The following HIVEP3 variants were observed in gnomAD, a reference collection of about 807,000 sequenced individuals.
The protein encoded by HIVEP3 is transcription factor HIVEP3.
HIVEP3 carries 49 observed loss-of-function variants against 152.8 expected under a neutral mutation model. The observed-to-expected ratio is 0.32, with a 90% CI of 0.26 to 0.41. HIVEP3 has a LOEUF of 0.41. Ranked by LOEUF, HIVEP3 falls within the 10% of genes least tolerant of loss-of-function variation. The pLI is 1.00. For synonymous variants in HIVEP3, 1,269 were observed against 1,289.0 expected (o/e 0.98, Z 0.33); for missense variants, 2,790 against 3,103.3 (o/e 0.90, Z 2.40).
intron 1 of HIVEP3, among the ~76,000 whole-genome samples, chr1:41,740,834 C>A (rs767028839): frequency 6.6e-6 from 1 of 152,182 alleles, no homozygotes. Context: ...CCCAAGCAAC[C>A]CCCTGCCCTC....
intron 1 of HIVEP3, among the ~76,000 whole-genome samples, chr1:41,981,078 G>C (rs534469968): frequency 6.6e-6 from 1 of 152,132 alleles, no homozygotes; most frequent in Non-Finnish European, 1.5e-5. Context: ...ATCAGGATTC[G>C]CTTCTGCAAG....
intron 1 of HIVEP3, among the ~76,000 whole-genome samples, chr1:41,749,200 GGTTT>G (rs1189486942): frequency 6.6e-6 from 1 of 152,190 alleles, no homozygotes; most frequent in Non-Finnish European, 1.5e-5. Context: ...TGTAAAAAGA[GGTTT>G]GTTTGAAATT....
At chr1:41,821,423 C>G (rs1333844408) in intron 1 of HIVEP3, among the ~76,000 whole-genome samples, 1 of 152,170 alleles carries the variant, frequency 6.6e-6, no homozygotes, top group Non-Finnish European at 1.5e-5. Flanking sequence ...AAAGACCACT[C>G]GAGCTTTTTG....
intron 1 of HIVEP3, among the ~76,000 whole-genome samples, chr1:42,032,412 AACACCCG>A (rs1002394488): frequency 6.6e-6 from 1 of 152,232 alleles, no homozygotes; most frequent in African/African-American, 2.4e-5. Context: ...CACAAGCTGC[AACACCCG>A]TTGGGAAATA....
intron 1 of HIVEP3, among the ~76,000 whole-genome samples, chr1:41,999,763 T>A (rs1458657604): frequency 6.6e-6 from 1 of 151,986 alleles, no homozygotes; most frequent in South Asian, 2.1e-4. Context: ...AGAGGGAACA[T>A]AAAGGAAGGC....
At chr1:41,805,492 A>C (rs2786480) in intron 1 of HIVEP3, among the ~76,000 whole-genome samples, 92,725 of 152,100 alleles carry the variant, frequency 0.61, 28,690 homozygotes, top group African/African-American at 0.68. Flanking sequence ...AGAGGCTGCT[A>C]GGGTCTGGGT....
At position 41,575,596 on chromosome 1, in the gene HIVEP3, C is replaced by T. The variant is rs575921669; in HGVS notation, c.5155G>A (p.Ala1719Thr). The part of the protein sequence containing the change: ...EERRGEPEED[A>T]PASQRGEPAR... ...GGCTCCCCTCTCTGGGAGGCAGGAG[C>T]ATCCTCCTCCGGCTCCCCTCTCCTC... Residue 1719 changes from alanine to threonine, a missense_variant, in exon 5 of 9, where the codon GCT becomes ACT. Around this residue, in one of 9 missense-constraint regions of HIVEP3, gnomAD observed 1,078 missense variants for 1,165.3 expected, o/e 0.93. Coordinates refer to ENST00000372583, the MANE Select transcript of HIVEP3 (RefSeq NM_024503.5). 1.9e-6 allele frequency: 3 copies of T among 1,613,770 alleles called. No individual in the cohort carries two copies. Among genetic ancestry groups the T allele is most frequent in the Non-Finnish European group, 2.5e-6 (3 of 1,179,732 alleles).
intron 2 of HIVEP3, among the ~76,000 whole-genome samples, chr1:41,695,283 G>A (rs1041623505): frequency 1.3e-5 from 2 of 152,218 alleles, no homozygotes; most frequent in African/African-American, 4.8e-5. Flanking sequence ...TGCTTGCCCA[G>A]GGGGTTGTGG....
rs1553253035 is a variant in HIVEP3, at chr1:41,722,403, G to GCCTGCCTT, written c.-800-21409_-800-21408insAAGGCAGG. ...GAGATCAGCAAAATAAATTTGGCTGGCCTTCCTTCCTTCCTTCCTTCCTTC... is the reference window on the plus strand; with the variant it reads ...GAGATCAGCAAAATAAATTTGGCTGGCCTGCCTTCCTTCCTTCCTTCCTTCCTTCCTTC... On this transcript the variant is annotated intron_variant, in intron 1 of 8. Coordinates refer to ENST00000372583, the MANE Select transcript of HIVEP3 (RefSeq NM_024503.5). Among the ~76,000 whole-genome samples the GCCTGCCTT allele has an allele frequency of 8.5e-3, 964 of 113,018 alleles. 6 individuals are homozygous for GCCTGCCTT. Among genetic ancestry groups the GCCTGCCTT allele is most frequent in the Admixed American group, 0.021 (235 of 11,006 alleles). The allele number at this position is 113,018 out of a possible 152,430, so 74.1% of individuals were successfully genotyped here.
intron 1 of HIVEP3, among the ~76,000 whole-genome samples, chr1:41,757,806 T>G (rs1647414304): frequency 6.6e-6 from 1 of 151,990 alleles, no homozygotes; most frequent in Non-Finnish European, 1.5e-5. Context: ...CTTTGCCTCC[T>G]GGGTTCAAAC....
At chr1:41,920,354 C>T (rs376814405), upstream of HIVEP3, among the ~76,000 whole-genome samples, 985 of 152,224 alleles carry the variant, frequency 6.5e-3, 4 homozygotes, top group Non-Finnish European at 0.011. Flanking sequence ...CTCCCTGGTC[C>T]AGCCCCTGCC....
chr1:41,720,231 C>G (rs1246811111), intron 1 of HIVEP3, among the ~76,000 whole-genome samples: 3 of 152,244 alleles, frequency 2.0e-5, no homozygotes, highest in African/African-American at 7.2e-5. Flanking sequence ...CAGGACACCA[C>G]CTCTGAGTGG....
intron 3 of HIVEP3, among the ~76,000 whole-genome samples, chr1:41,601,858 G>A (rs1440109847): frequency 6.6e-6 from 1 of 152,120 alleles, no homozygotes; most frequent in African/African-American, 2.4e-5. Flanking sequence ...TCACCACTGA[G>A]TATAGTATTA....
At chr1:41,693,105 G>A (rs1008970965) in intron 2 of HIVEP3, among the ~76,000 whole-genome samples, 3 of 152,166 alleles carry the variant, frequency 2.0e-5, no homozygotes, top group Non-Finnish European at 2.9e-5. Context: ...CCAGGGCCAG[G>A]TGGCTTGAAA....
chr1:41,566,681 G>A lies in HIVEP3; in HGVS notation c.5207+8863C>T, dbSNP rs114903329. ...ATCAGTCACCAGTCACCTGCACAGG[G>A]CCCTGTTGAATGGGCACGTGCCACA... On this transcript the variant is annotated intron_variant, in intron 5 of 8. Transcript: ENST00000372583. 9.5e-3 allele frequency among the ~76,000 whole-genome samples: 1,444 copies of A among 152,190 alleles called. 23 individuals are homozygous for A. The highest frequency in any genetic ancestry group is 0.033 in the African/African-American group (1,363 of 41,526).
At chr1:41,553,062 T>C (rs1256899839) in intron 5 of HIVEP3, among the ~76,000 whole-genome samples, 10 of 152,198 alleles carry the variant, frequency 6.6e-5, no homozygotes, top group Admixed American at 6.5e-4. Flanking sequence ...TTGTTAACCT[T>C]CTGTATTGTT....
intron 2 of HIVEP3, among the ~76,000 whole-genome samples, chr1:41,636,485 T>C (rs1432855965): frequency 6.6e-6 from 1 of 152,092 alleles, no homozygotes; most frequent in Non-Finnish European, 1.5e-5. Flanking sequence ...ATATTAAGCA[T>C]TACATAAAAC....
chr1:41,941,255 A>G (rs1298595303), intron 1 of HIVEP3, among the ~76,000 whole-genome samples: 1 of 152,204 alleles, frequency 6.6e-6, no homozygotes, highest in African/African-American at 2.4e-5. Flanking sequence ...GGTGGTTTTT[A>G]AAAAGACAGT....
chr1:41,806,643 CATG>C (rs1329298330), intron 1 of HIVEP3, among the ~76,000 whole-genome samples: 1 of 152,220 alleles, frequency 6.6e-6, no homozygotes, highest in Admixed American at 6.5e-5. Context: ...GTCCCAGCAC[CATG>C]ATGAGTAAAA....
Sources: gnomAD v4.1 joint callset for allele counts (sites outside exome capture counted in the v4.1 genomes callset) on GRCh38, gnomAD v4.1.1 for gene constraint, gnomAD v4.1.1 regional missense constraint, MANE v1.5 for transcripts, NCBI Gene and HGNC (gene_info 2026-07-23, HGNC 2026-07-21) for gene names.